CCDC33: variants seen among roughly 807,000 people sequenced by gnomAD.
CCDC33 encodes the protein coiled-coil domain containing 33, also known as coiled-coil domain-containing protein 33.
A neutral mutation model predicts 91.9 loss-of-function variants in CCDC33; 94 were observed. That is an observed-to-expected ratio of 1.02 (90% CI 0.87 to 1.21). The LOEUF (loss-of-function observed/expected upper bound fraction) is 1.21, where lower values mean the gene tolerates loss of function less well. CCDC33 is among the 50% of genes most tolerant of loss of function. CCDC33 has a pLI of 0.00. For synonymous variants in CCDC33, 396 were observed against 374.5 expected, an observed-to-expected ratio of 1.06 and a Z score of -0.66; for missense variants, 940 against 935.5, an observed-to-expected ratio of 1.00 and a Z score of -0.06.
At chr15:74,213,840 C>G (rs2074390530), upstream of CCDC33, among the ~76,000 whole-genome samples, 1 of 152,114 alleles carries the variant, frequency 6.6e-6, no homozygotes, top group African/African-American at 2.4e-5. Flanking sequence ...TGCTGAAGGC[C>G]CAGGGTGGAG....
intron 10 of CCDC33, among the ~76,000 whole-genome samples, chr15:74,288,363 CCTG>C (rs2059519915): frequency 6.6e-6 from 1 of 152,216 alleles, no homozygotes; most frequent in East Asian, 1.9e-4. Flanking sequence ...TGATTCTTGT[CCTG>C]CTGATTGTCT....
chr15:74,247,042 G>A (rs1803638741), intron 2 of CCDC33, among the ~76,000 whole-genome samples: 1 of 152,082 alleles, frequency 6.6e-6, no homozygotes, highest in Non-Finnish European at 1.5e-5. Context: ...CTACTAGGAA[G>A]GCTGAGGCAG....
chr15:74,235,830 A>G (rs566375477), upstream of CCDC33, among the ~76,000 whole-genome samples: 1 of 152,186 alleles, frequency 6.6e-6, no homozygotes, highest in Non-Finnish European at 1.5e-5. Flanking sequence ...AATGTAATGA[A>G]TTTCCATTAA....
chr15:74,218,754 TTCCAC>T lies in CCDC33; in HGVS notation c.569_573del (p.Phe190CysfsTer37). ...TGGGAGCCTGGCCTACAGTGTGGCC[TTCCAC>T]GTCCACCGGGGCCCTCAGCCTCCAG... On this transcript the variant is annotated frameshift_variant, in exon 2 of 3. Transcript: ENST00000635913. LOFTEE classifies it high-confidence loss of function. This position sits in a 1 kb window ranked among gnomAD's most constrained non-coding sequence, Gnocchi z 4.8. 1 of 1,289,594 alleles carries T rather than the reference TTCCAC, an allele frequency of 7.8e-7. No homozygotes were observed. The highest frequency in any genetic ancestry group is 1.0e-6 in the Non-Finnish European group (1 of 988,722). The allele number at this position is 1,289,594 out of a possible 1,614,324, so 79.9% of individuals were successfully genotyped here. A position where few individuals can be genotyped will look rare whatever the true frequency, so the allele number is the denominator to read the frequency against.
rs116208313 is a variant in CCDC33 at position 74,240,891 on chromosome 15, C to T, written c.22-3094C>T. On this transcript the variant is annotated intron_variant, in intron 1 of 18. Coordinates refer to ENST00000398814, the MANE Select transcript of CCDC33 (RefSeq NM_025055.5). ...TACAGGCGTGAGCCACCACACCCGG[C>T]CAAGTTGAAACCTAGGTCTTTTTGC... Among the ~76,000 whole-genome samples the T allele has an allele frequency of 9.7e-3, 1,480 of 152,354 alleles. 29 individuals carry two copies. Among genetic ancestry groups the T allele is most frequent in the African/African-American group, 0.034 (1,420 of 41,566 alleles).
chr15:74,276,431 G>A lies in CCDC33; in HGVS notation c.760-3532G>A, dbSNP rs542535129. On this transcript the variant is annotated intron_variant, in intron 7 of 18. Coordinates refer to ENST00000398814, the MANE Select transcript of CCDC33 (RefSeq NM_025055.5). ...TCCTACAGAGCTGGAGTGGAGCTCCGGGAAGCCATGTGTGCCCACCACCAT... is the reference window on the plus strand; with the variant it reads ...TCCTACAGAGCTGGAGTGGAGCTCCAGGAAGCCATGTGTGCCCACCACCAT... Among the ~76,000 whole-genome samples the A allele has an allele frequency of 2.2e-4, 33 of 152,276 alleles. 1 individual carries two copies. In the South Asian group the frequency reaches 2.3e-3, roughly 11 times the overall value.
intron 3 of CCDC33, among the ~76,000 whole-genome samples, chr15:74,266,165 A>G (rs2076160442): frequency 6.6e-6 from 1 of 152,220 alleles, no homozygotes; most frequent in Non-Finnish European, 1.5e-5. Flanking sequence ...TGATAGCTGT[A>G]TTAAAGGATT....
intron 11 of CCDC33, among the ~76,000 whole-genome samples, chr15:74,299,321 A>G (rs1312050208): frequency 2.0e-5 from 3 of 152,128 alleles, no homozygotes; most frequent in Non-Finnish European, 2.9e-5. Flanking sequence ...CTGGTTTGCT[A>G]TCGGGTTAGG....
At chr15:74,311,180 G>A (rs948141630) in intron 11 of CCDC33, among the ~76,000 whole-genome samples, 4 of 152,130 alleles carry the variant, frequency 2.6e-5, no homozygotes, top group Non-Finnish European at 4.4e-5. Flanking sequence ...TCCCTCCCAA[G>A]GCTAAAGATG....
chr15:74,257,376 G>A (rs1312155589), intron 2 of CCDC33, among the ~76,000 whole-genome samples: 1 of 152,168 alleles, frequency 6.6e-6, no homozygotes, highest in Non-Finnish European at 1.5e-5. Context: ...TGAAGCGGGG[G>A]CGAGAAGAGA....
chr15:74,253,783 A>T (rs1215952831), intron 2 of CCDC33, among the ~76,000 whole-genome samples: 2 of 152,222 alleles, frequency 1.3e-5, no homozygotes, highest in Non-Finnish European at 2.9e-5. Flanking sequence ...CACCTGGCTC[A>T]TTCAGAGGAG....
Position 74,280,793 on chromosome 15 carries a change from C to G in CCDC33, c.1015C>G (p.Pro339Ala). Residue 339 changes from proline to alanine, a missense_variant, in exon 9 of 19, where the codon CCC becomes GCC. Coordinates refer to ENST00000398814, the MANE Select transcript of CCDC33 (RefSeq NM_025055.5). ...GGACGGGCTTCACGTGGAGCGGCTC[C>G]CCATCATGGTGAGCCCCCTGCCCTG... ...GLDGLHVERL[P>A]IMDTSLKTIN... is the part of the protein sequence containing the mutation. The G allele has an allele frequency of 2.0e-6, 3 of 1,528,628 alleles. No individual in the cohort carries two copies. Among genetic ancestry groups the G allele is most frequent in the Non-Finnish European group, 2.6e-6 (3 of 1,137,296 alleles). 94.7% of individuals were successfully genotyped at this position (1,528,628 alleles called of 1,614,324 possible).
intron 1 of CCDC33, among the ~76,000 whole-genome samples, chr15:74,238,185 G>A (rs545009632): frequency 6.6e-6 from 1 of 152,082 alleles, no homozygotes; most frequent in Admixed American, 6.5e-5. Flanking sequence ...CCAGCACTTT[G>A]GGAGGCCAAG....
intron 2 of CCDC33, among the ~76,000 whole-genome samples, chr15:74,257,710 A>G (rs1476541271): frequency 6.6e-6 from 1 of 152,108 alleles, no homozygotes; most frequent in South Asian, 2.1e-4. Context: ...AGATCCTCCA[A>G]TCTATCTGTT....
exon 2 of CCDC33, chr15:74,209,460 T>TGA: frequency 6.5e-7 from 1 of 1,535,212 alleles, no homozygotes; most frequent in Non-Finnish European, 8.7e-7. Flanking sequence ...TGCATCCTGC[T>TGA]GCTGCCCAGC....
At chr15:74,297,520 C>T (rs75177348) in intron 11 of CCDC33, among the ~76,000 whole-genome samples, 15,071 of 152,102 alleles carry the variant, frequency 0.099, 977 homozygotes, top group Middle Eastern at 0.16. Flanking sequence ...TAATGAGATC[C>T]TATCTCTACA....
At chr15:74,210,076 G>C (rs1173683517) in intron 2 of CCDC33, among the ~76,000 whole-genome samples, 1 of 152,184 alleles carries the variant, frequency 6.6e-6, no homozygotes, top group East Asian at 1.9e-4. Flanking sequence ...AGCTCAAGCC[G>C]AGAAAGGGAA....
intron 10 of CCDC33, among the ~76,000 whole-genome samples, chr15:74,292,622 C>A (rs533237055): frequency 2.6e-5 from 4 of 152,138 alleles, no homozygotes; most frequent in Non-Finnish European, 4.4e-5. Flanking sequence ...AAATCCCAGG[C>A]CAGGATGGAT....
chr15:74,250,429 C>T (rs2075671702), intron 2 of CCDC33, among the ~76,000 whole-genome samples: 1 of 152,178 alleles, frequency 6.6e-6, no homozygotes. Flanking sequence ...TGAGCAAACC[C>T]TGTTCCCTCC....
Sources: allele counts gnomAD v4.1 joint callset (sites outside exome capture counted in the v4.1 genomes callset), GRCh38; gene constraint gnomAD v4.1.1; non-coding constraint Gnocchi (gnomAD v3.1); transcripts MANE v1.5; gene names NCBI Gene and HGNC (gene_info 2026-07-23, HGNC 2026-07-21).